POP1: variants seen among roughly 807,000 people sequenced by gnomAD.
POP1 encodes ribonucleases P/MRP protein subunit POP1.
POP1 carries 75 observed loss-of-function variants against 102.2 expected under a neutral mutation model. That is an observed-to-expected ratio of 0.73 (90% CI 0.61 to 0.89). POP1 has a LOEUF of 0.89. Ranked by LOEUF, POP1 falls within the 40% of genes least tolerant of loss-of-function variation. The pLI is 0.00. For synonymous variants in POP1, 436 were observed against 464.1 expected (o/e 0.94, Z 0.78); for missense variants, 1,116 against 1,267.4 (o/e 0.88, Z 1.81).
chr8:98,141,672 G>C (rs969193052), intron 11 of POP1, among the ~76,000 whole-genome samples: 2 of 151,308 alleles, frequency 1.3e-5, no homozygotes, highest in Non-Finnish European at 1.5e-5. Context: ...GCCTGCCTCA[G>C]CCTCCTGAGT....
chr8:98,128,178 C>T (rs1816268617), intron 3 of POP1, among the ~76,000 whole-genome samples, 187 bp from the exon 4 acceptor site: 1 of 152,106 alleles, frequency 6.6e-6, no homozygotes, highest in Non-Finnish European at 1.5e-5. Flanking sequence ...CCCTATGATC[C>T]CCATCCACAC....
intron 14 of POP1, among the ~76,000 whole-genome samples, chr8:98,151,280 C>T (rs1196132539): frequency 1.3e-5 from 2 of 152,194 alleles, no homozygotes; most frequent in African/African-American, 2.4e-5. Context: ...CGGGGTTTCA[C>T]CATGTTGCCC....
At chr8:98,145,354 C>G (rs1203574657) in intron 11 of POP1, among the ~76,000 whole-genome samples, 6 of 152,178 alleles carry the variant, frequency 3.9e-5, no homozygotes, top group Non-Finnish European at 5.9e-5. Flanking sequence ...AGTGATGTTT[C>G]TGTGTGGACA....
chr8:98,120,484 T>A (rs1815978078), intron 1 of POP1, among the ~76,000 whole-genome samples: 1 of 152,218 alleles, frequency 6.6e-6, no homozygotes, highest in Admixed American at 6.5e-5. Flanking sequence ...TTCATTTTTT[T>A]ATTTTGAGAC....
intron 1 of POP1, among the ~76,000 whole-genome samples, chr8:98,121,363 A>G (rs1230799654): frequency 6.6e-6 from 1 of 152,038 alleles, no homozygotes; most frequent in East Asian, 1.9e-4. Context: ...GCATTTTGGA[A>G]GTTTGTGTAG....
chr8:98,140,750 C>A lies in POP1; in HGVS notation c.1475-19C>A. 4 of 1,613,028 alleles carry A rather than the reference C, an allele frequency of 2.5e-6. No homozygotes were observed. The highest frequency in any genetic ancestry group is 3.4e-6 in the Non-Finnish European group (4 of 1,179,060). On this transcript the variant is annotated intron_variant, in intron 10 of 15. Transcript: ENST00000401707. The stretch of plus-strand genomic sequence containing the variant: ...ATTATGAATGACTTTCTGTAAACTT[C>A]TTTTTGTTGTTGTTAAAGGAATAAC...
intron 2 of POP1, among the ~76,000 whole-genome samples, chr8:98,126,653 A>T (rs113842188): frequency 6.6e-6 from 1 of 152,198 alleles, no homozygotes; most frequent in African/African-American, 2.4e-5. Context: ...AAGGATGCTG[A>T]TGCCAGCCAA....
intron 2 of POP1, among the ~76,000 whole-genome samples, 181 bp from the exon 3 acceptor site, chr8:98,127,414 G>A (rs1339453741): frequency 6.6e-6 from 1 of 152,082 alleles, no homozygotes; most frequent in African/African-American, 2.4e-5. Flanking sequence ...TTGTGACCTC[G>A]AGCAAGTTAA....
intron 14 of POP1, among the ~76,000 whole-genome samples, chr8:98,154,991 A>G (rs60926451): frequency 0.016 from 2,485 of 152,340 alleles, 20 homozygotes; most frequent in East Asian, 0.053. Flanking sequence ...TTGTGTGTAC[A>G]TAAGATGTCT....
chr8:98,140,932 C>T lies in POP1; in HGVS notation c.1594+44C>T, dbSNP rs17184361. The T allele has an allele frequency of 0.095, 152,325 of 1,595,090 alleles. 8,273 individuals are homozygous for T. The highest frequency in any genetic ancestry group is 0.17 in the Middle Eastern group (1,041 of 6,008). On this transcript the variant is annotated intron_variant, in intron 11 of 15. Coordinates refer to ENST00000401707, the MANE Select transcript of POP1 (RefSeq NM_001145860.2). ...CCCAGGTTTTCCTTACTATTTCGAG[C>T]AGTCCAGTCTTATTAGAAGAAGAGT...
Position 98,134,038 on chromosome 8 carries a change from TA to T in POP1, c.823+5del. The T allele has an allele frequency of 6.3e-7, 1 of 1,598,188 alleles. No homozygotes were observed. The highest frequency in any genetic ancestry group is 8.6e-7 in the Non-Finnish European group (1 of 1,165,438). On this transcript the variant is annotated splice_donor_region_variant and intron_variant, in intron 6 of 15. Transcript: ENST00000401707. Reference sequence around the variant, plus strand: ...CTGGAATGTGTAACATAGACACAGGTAAACTTGTTTTAAAGCTGAGTTCTAT... The same window carrying T: ...CTGGAATGTGTAACATAGACACAGGTAACTTGTTTTAAAGCTGAGTTCTAT...
Position 98,157,611 on chromosome 8 carries a change from A to G in POP1, c.2421-6A>G, listed in dbSNP as rs181081798. On this transcript the variant is annotated splice_region_variant and splice_polypyrimidine_tract_variant and intron_variant, in intron 15 of 15. Transcript: ENST00000401707. ...TCCTCAAACGTATGTCTCCAACTTC[A>G]TGTAGGAGTAGAAAATTACTGAAGC... 22 of 1,614,088 alleles carry G rather than the reference A, an allele frequency of 1.4e-5. No homozygotes were observed. The highest frequency in any genetic ancestry group is 1.7e-5 in the Non-Finnish European group (20 of 1,179,954).
intron 1 of POP1, among the ~76,000 whole-genome samples, chr8:98,122,573 C>G (rs1816061903): frequency 6.6e-6 from 1 of 152,146 alleles, no homozygotes; most frequent in Admixed American, 6.6e-5. Context: ...AATGCCTGTG[C>G]TGGTGCCTGT....
chr8:98,121,839 T>G (rs557881390), intron 1 of POP1, among the ~76,000 whole-genome samples: 175 of 151,766 alleles, frequency 1.2e-3, no homozygotes, highest in Non-Finnish European at 2.0e-3. Flanking sequence ...CCCGCCACCA[T>G]GCCTGGCTAA....
chr8:98,128,270 G>T (rs925610740), intron 3 of POP1, 95 bp from the exon 4 acceptor site: 9 of 1,200,026 alleles, frequency 7.5e-6, no homozygotes, highest in African/African-American at 1.5e-5. Context: ...CGCCTTCTTG[G>T]TGGAGGAATT....
At chr8:98,140,696 G>T in intron 10 of POP1, 73 bp from the exon 11 acceptor site, 1 of 1,514,880 alleles carries the variant, frequency 6.6e-7, no homozygotes, top group South Asian at 1.1e-5. Context: ...AAATCTGAAA[G>T]ATTTAAAAAT....
At chr8:98,145,021 G>A (rs1586245363) in intron 11 of POP1, among the ~76,000 whole-genome samples, 1 of 152,064 alleles carries the variant, frequency 6.6e-6, no homozygotes, top group African/African-American at 2.4e-5. Flanking sequence ...TCAAGTAGCT[G>A]GGATGACAGG....
At chr8:98,127,554 C>G in intron 2 of POP1, 41 bp from the exon 3 acceptor site, 4 of 1,610,338 alleles carry the variant, frequency 2.5e-6, no homozygotes, top group East Asian at 2.2e-5. Flanking sequence ...TAATGTTTAT[C>G]TCTGATAAAG....
chr8:98,123,969 A>G (rs1816115966), intron 2 of POP1, among the ~76,000 whole-genome samples: 1 of 152,132 alleles, frequency 6.6e-6, no homozygotes, highest in Non-Finnish European at 1.5e-5. Context: ...TGTAACCCCA[A>G]TATTAATACC....
Sources: gnomAD v4.1 joint callset for allele counts (sites outside exome capture counted in the v4.1 genomes callset) on GRCh38, gnomAD v4.1.1 for gene constraint, MANE v1.5 for transcripts, NCBI Gene and HGNC (gene_info 2026-07-23, HGNC 2026-07-21) for gene names.